Variants in USP32 observed in about 807,000 individuals in gnomAD.
USP32 encodes ubiquitin specific peptidase 32, also known as ubiquitin carboxyl-terminal hydrolase 32.
A neutral mutation model predicts 204.8 loss-of-function variants in USP32; 59 were observed. The ratio of observed to expected loss-of-function variants is 0.29; its 90% CI spans 0.23 to 0.36. USP32 has a LOEUF of 0.36. USP32 is among the 10% of genes least tolerant of loss of function. The pLI is 1.00. For synonymous variants in USP32, 517 were observed against 678.4 expected (o/e 0.76, Z 3.70); for missense variants, 1,160 against 1,946.4 (o/e 0.60, Z 7.60).
chr17:60,368,086 C>T (rs1241343151), intron 1 of USP32, among the ~76,000 whole-genome samples: 1 of 152,150 alleles, frequency 6.6e-6, no homozygotes, highest in South Asian at 2.1e-4. Flanking sequence ...CAATTCCCCA[C>T]AGACACCAAG....
chr17:60,359,680 C>T (rs2089160885), intron 1 of USP32, among the ~76,000 whole-genome samples: 1 of 151,912 alleles, frequency 6.6e-6, no homozygotes, highest in South Asian at 2.1e-4. Flanking sequence ...GTGGTGTGCA[C>T]CTGTACCAGC....
Position 60,391,872 on chromosome 17 carries a change from C to G in USP32, c.58+10G>C. 1 of 1,606,634 alleles carries G rather than the reference C, an allele frequency of 6.2e-7. No homozygotes were observed. Among genetic ancestry groups the G allele is most frequent in the South Asian group, 1.1e-5 (1 of 89,912 alleles). On this transcript the variant is annotated intron_variant, in intron 1 of 33. Coordinates refer to ENST00000300896, the MANE Select transcript of USP32 (RefSeq NM_032582.4). Reference sequence around the variant, plus strand: ...TCCCAGGCAGCTCGCCCAGACCCCTCCCCCCTCACCTCTCCTCAGCGCCTC... The same window carrying G: ...TCCCAGGCAGCTCGCCCAGACCCCTGCCCCCTCACCTCTCCTCAGCGCCTC...
rs1598066797 is a variant in USP32, at chr17:60,208,576, C to T, written c.2773+78G>A. 2.1e-6 allele frequency: 3 copies of T among 1,439,780 alleles called. No homozygotes were observed. The East Asian group carries it at 7.6e-5, about 36-fold the overall frequency. 89.2% of individuals were successfully genotyped at this position (1,439,780 alleles called of 1,614,324 possible). A position where few individuals can be genotyped will look rare whatever the true frequency, so the allele number is the denominator to read the frequency against. ...CCGGTCTTTATTTGTAAACAAATAA[C>T]TATGCTTACAAATTCAGGCTATTTA... On this transcript the variant is annotated intron_variant, in intron 23 of 33. Transcript: ENST00000300896.
At chr17:60,358,021 C>T (rs545949478) in intron 1 of USP32, among the ~76,000 whole-genome samples, 2 of 152,022 alleles carry the variant, frequency 1.3e-5, no homozygotes, top group Admixed American at 1.3e-4. Context: ...CACCCGCCTC[C>T]ACCTCCTAAA....
At chr17:60,312,038 C>T (rs573033550) in intron 2 of USP32, among the ~76,000 whole-genome samples, 4 of 152,148 alleles carry the variant, frequency 2.6e-5, no homozygotes, top group Admixed American at 2.6e-4. Context: ...GACATTGAAG[C>T]CAGGCTTTAT....
At chr17:60,212,199 T>C in intron 18 of USP32, 101 bp from the exon 19 acceptor site, 2 of 1,020,124 alleles carry the variant, frequency 2.0e-6, no homozygotes, top group Non-Finnish European at 2.9e-6. Context: ...AAATCAGAAG[T>C]TTTAAAATCT....
chr17:60,177,657 A>C lies in USP32; in HGVS notation c.*1598T>G, dbSNP rs1366432386. Among the ~76,000 whole-genome samples, 4 of 152,330 alleles carry C rather than the reference A, an allele frequency of 2.6e-5. No homozygotes were observed. Among genetic ancestry groups the C allele is most frequent in the Non-Finnish European group, 4.4e-5 (3 of 68,016 alleles). On this transcript the variant is annotated 3_prime_UTR_variant, in exon 34 of 34. Coordinates refer to ENST00000300896, the MANE Select transcript of USP32 (RefSeq NM_032582.4). ...AACTATAAAGTATGCATTTTGTCTG[A>C]CTTTATTACATTAGACAATTTAGGC...
chr17:60,366,790 C>T (rs1432393910), intron 1 of USP32, among the ~76,000 whole-genome samples: 5 of 151,464 alleles, frequency 3.3e-5, no homozygotes, highest in African/African-American at 4.9e-5. Flanking sequence ...AACAGAGACA[C>T]GCTATTACTA....
intron 11 of USP32, among the ~76,000 whole-genome samples, chr17:60,244,027 G>GTGTTTTT (rs2085945888): frequency 8.3e-6 from 1 of 120,298 alleles, no homozygotes; most frequent in African/African-American, 3.8e-5. Flanking sequence ...TAGCTGGATT[G>GTGTTTTT]TGTTTTTTTT....
At chr17:60,252,015 C>T (rs1260334258) in intron 11 of USP32, among the ~76,000 whole-genome samples, 1 of 151,872 alleles carries the variant, frequency 6.6e-6, no homozygotes, top group Non-Finnish European at 1.5e-5. Flanking sequence ...TTAAAAATGT[C>T]TACAGCAATT....
chr17:60,356,571 C>T (rs993692959), intron 1 of USP32, among the ~76,000 whole-genome samples: 3 of 152,150 alleles, frequency 2.0e-5, no homozygotes, highest in Non-Finnish European at 2.9e-5. Flanking sequence ...TAGCTGACCA[C>T]TAAGCTAAAT....
chr17:60,207,868 C>A (rs1262016233), intron 24 of USP32, 191 bp downstream of exon 24: 53 of 898,462 alleles, frequency 5.9e-5, no homozygotes, highest in Non-Finnish European at 7.9e-5. Flanking sequence ...TCAGTATTAT[C>A]CCTTTATTCT....
chr17:60,421,244 T>TACAACA, intron 1 of USP32: 1 of 582,498 alleles, frequency 1.7e-6, no homozygotes. Context: ...TTCCTCCCCT[T>TACAACA]ACAACAACAA....
Position 60,389,545 on chromosome 17 carries a change from G to GA in USP32, c.58+2336dup, listed in dbSNP as rs140376997. Among the ~76,000 whole-genome samples the GA allele has an allele frequency of 4.7e-4, 67 of 143,484 alleles. No individual in the cohort carries two copies. The East Asian group carries it at 7.2e-3, about 15-fold the overall frequency. The allele number at this position is 143,484 out of a possible 152,430, so 94.1% of individuals were successfully genotyped here. Reference sequence around the variant, plus strand: ...GCGACAGAGCGAGACTCTGTCTCGAGAAAAAAAAAAGCTTCATAAACTTTT... The same window carrying GA: ...GCGACAGAGCGAGACTCTGTCTCGAGAAAAAAAAAAAGCTTCATAAACTTTT... On this transcript the variant is annotated intron_variant, in intron 1 of 33. Transcript: ENST00000300896.
At chr17:60,198,822 T>C (rs950361405) in intron 26 of USP32, among the ~76,000 whole-genome samples, 9 of 152,186 alleles carry the variant, frequency 5.9e-5, no homozygotes, top group African/African-American at 1.9e-4. Flanking sequence ...CTCCAGAAAA[T>C]ATGCCAGTAA....
intron 1 of USP32, among the ~76,000 whole-genome samples, chr17:60,367,087 A>G (rs1235062039): frequency 1.3e-5 from 2 of 152,284 alleles, no homozygotes; most frequent in East Asian, 3.9e-4. Context: ...TTGGCCTCCC[A>G]AAGTGCTGGG....
intron 16 of USP32, among the ~76,000 whole-genome samples, chr17:60,217,735 T>C (rs1363099878): frequency 1.3e-5 from 2 of 151,666 alleles, no homozygotes; most frequent in South Asian, 2.1e-4. Flanking sequence ...ATGGTTTCCT[T>C]CACTTTTTAT....
At chr17:60,263,678 A>G (rs1448279268) in intron 9 of USP32, among the ~76,000 whole-genome samples, 2 of 152,230 alleles carry the variant, frequency 1.3e-5, no homozygotes, top group Admixed American at 6.5e-5. Context: ...ATTTTCTAAC[A>G]GAAACTTTTC....
chr17:60,315,643 T>C (rs112006098), intron 2 of USP32, among the ~76,000 whole-genome samples: 2,420 of 152,090 alleles, frequency 0.016, 57 homozygotes, highest in African/African-American at 0.054. Context: ...ACAGCAGCAT[T>C]ATTGACAATA....
Sources: gnomAD v4.1 joint callset for allele counts (sites outside exome capture counted in the v4.1 genomes callset) on GRCh38, gnomAD v4.1.1 for gene constraint, MANE v1.5 for transcripts, NCBI Gene and HGNC (gene_info 2026-07-23, HGNC 2026-07-21) for gene names.